EVA1A: variants seen among roughly 807,000 people sequenced by gnomAD.
EVA1A encodes eva-1 homolog A, regulator of programmed cell death.
Under a neutral mutation model 9.8 loss-of-function variants are expected in EVA1A, and 7 were observed. The observed-to-expected ratio is 0.71, with a 90% CI of 0.41 to 1.34. The LOEUF is 1.34. Ranked by LOEUF, EVA1A falls within the 40% of genes most tolerant of loss-of-function variation. The pLI is 0.01. For missense variants in EVA1A, 206 were observed against 205.9 expected (o/e 1.00, Z 0.00); for synonymous variants, 90 against 85.6 (o/e 1.05, Z -0.28).
intron 1 of EVA1A, among the ~76,000 whole-genome samples, chr2:75,559,567 A>T (rs1676840444): frequency 6.6e-6 from 1 of 152,218 alleles, no homozygotes; most frequent in Non-Finnish European, 1.5e-5. Context: ...TAAGATTCAA[A>T]GGTGAAACCT....
chr2:75,564,271 C>T (rs1676984269), upstream of EVA1A, among the ~76,000 whole-genome samples: 1 of 152,182 alleles, frequency 6.6e-6, no homozygotes, highest in South Asian at 2.1e-4. Context: ...TGTGCACAGG[C>T]ACAGCGTACA....
chr2:75,531,357 C>T (rs558434311), intron 1 of EVA1A, among the ~76,000 whole-genome samples: 6 of 152,062 alleles, frequency 3.9e-5, no homozygotes, highest in Non-Finnish European at 5.9e-5. Context: ...CCTTAAAGAA[C>T]GAAAAGCAGA....
chr2:75,530,012 C>T (rs1347955230), intron 1 of EVA1A, among the ~76,000 whole-genome samples: 2 of 151,768 alleles, frequency 1.3e-5, no homozygotes, highest in Admixed American at 1.3e-4. Flanking sequence ...TGAGATTAAC[C>T]AAGAAAAGAA....
rs184143922 is a variant in EVA1A at position 75,527,855 on chromosome 2, C to T, written c.-191-5368G>A. Among the ~76,000 whole-genome samples, 286 of 152,290 alleles carry T rather than the reference C, an allele frequency of 1.9e-3. 1 individual carries two copies. Among genetic ancestry groups the T allele is most frequent in the African/African-American group, 6.4e-3 (265 of 41,564 alleles). ...ACATACCAGGGCAACTGAAAGAATT[C>T]ACAAACCCTTTGAAAGCAGTGGCTT... is the stretch of plus-strand genomic sequence containing the variant. On this transcript the variant is annotated intron_variant, in intron 1 of 3. Coordinates refer to ENST00000393913, the MANE Select transcript of EVA1A (RefSeq NM_001135032.2).
intron 3 of EVA1A, among the ~76,000 whole-genome samples, chr2:75,517,028 GA>G (rs1675033091): frequency 6.6e-6 from 1 of 152,112 alleles, no homozygotes; most frequent in African/African-American, 2.4e-5. Context: ...GGCACAAGCA[GA>G]CTACATGCTG....
chr2:75,527,327 C>T (rs1260605278), intron 1 of EVA1A, among the ~76,000 whole-genome samples: 1 of 152,176 alleles, frequency 6.6e-6, no homozygotes, highest in Non-Finnish European at 1.5e-5. Context: ...TCTGAGATTG[C>T]TAGTAATGAG....
At chr2:75,530,622 C>T (rs993693940) in intron 1 of EVA1A, among the ~76,000 whole-genome samples, 3 of 152,144 alleles carry the variant, frequency 2.0e-5, no homozygotes, top group East Asian at 1.9e-4. Context: ...AAATGTGATA[C>T]ACCACATAAA....
chr2:75,498,898 C>T lies in EVA1A; in HGVS notation c.86-5289G>A, dbSNP rs146816863. On this transcript the variant is annotated intron_variant, in intron 3 of 3. Coordinates refer to ENST00000393913, the MANE Select transcript of EVA1A (RefSeq NM_001135032.2). ...TGCTATGGGATCACATCAAAGGCCTCACCTTTATCTTTAGATTTATATTTT... is the reference window on the plus strand; with the variant it reads ...TGCTATGGGATCACATCAAAGGCCTTACCTTTATCTTTAGATTTATATTTT... Among the ~76,000 whole-genome samples the T allele has an allele frequency of 8.1e-3, 1,230 of 152,072 alleles. 8 individuals carry two copies. Among genetic ancestry groups the T allele is most frequent in the Non-Finnish European group, 0.012 (815 of 68,008 alleles).
intron 1 of EVA1A, among the ~76,000 whole-genome samples, chr2:75,547,786 CAG>C (rs1676383818): frequency 6.6e-6 from 1 of 152,238 alleles, no homozygotes; most frequent in Non-Finnish European, 1.5e-5. Flanking sequence ...TCAGCATTCA[CAG>C]AGTCACCCAC....
At chr2:75,561,611 G>A (rs1676923493), upstream of EVA1A, among the ~76,000 whole-genome samples, 1 of 152,132 alleles carries the variant, frequency 6.6e-6, no homozygotes, top group Admixed American at 6.5e-5. Context: ...AATCGTCATA[G>A]GGGAAGAGTG....
upstream of EVA1A, chr2:75,561,447 C>T (rs1676919908): frequency 6.8e-6 from 1 of 147,818 alleles, no homozygotes; most frequent in Non-Finnish European, 1.5e-5. Flanking sequence ...TCATTTTTAT[C>T]GGAAGAAATG....
At chr2:75,506,001 T>C (rs1572950398) in intron 3 of EVA1A, among the ~76,000 whole-genome samples, 5 of 152,178 alleles carry the variant, frequency 3.3e-5, no homozygotes, top group African/African-American at 1.2e-4. Context: ...ATAATTCATA[T>C]CTTTTCCTCT....
chr2:75,563,850 A>C (rs1338545395), upstream of EVA1A, among the ~76,000 whole-genome samples: 1 of 152,102 alleles, frequency 6.6e-6, no homozygotes, highest in Non-Finnish European at 1.5e-5. Context: ...CTCTTTTTTG[A>C]AGGTACCGTG....
chr2:75,504,113 A>G (rs1035418607), intron 3 of EVA1A, among the ~76,000 whole-genome samples: 1 of 152,070 alleles, frequency 6.6e-6, no homozygotes, highest in African/African-American at 2.4e-5. Flanking sequence ...CTCTTTAGGC[A>G]CTGTAAGAAC....
chr2:75,499,283 T>C (rs1333207735), intron 3 of EVA1A, among the ~76,000 whole-genome samples: 5 of 151,984 alleles, frequency 3.3e-5, no homozygotes, highest in African/African-American at 7.3e-5. Flanking sequence ...TCAAGACTGA[T>C]AGGAGAAAAG....
At position 75,497,850 on chromosome 2, in the gene EVA1A, C is replaced by CAAAA. The variant is rs33933086; in HGVS notation, c.86-4245_86-4242dup. 7.6e-4 allele frequency among the ~76,000 whole-genome samples: 51 copies of CAAAA among 66,668 alleles called. 1 individual carries two copies. The highest frequency in any genetic ancestry group is 1.5e-3 in the African/African-American group (22 of 14,888). 43.7% of individuals were successfully genotyped at this position (66,668 alleles called of 152,430 possible). A position where few individuals can be genotyped will look rare whatever the true frequency, so the allele number is the denominator to read the frequency against. On this transcript the variant is annotated intron_variant, in intron 3 of 3. Transcript: ENST00000393913. ...TGGGTGACAAAGTGAGATCCTGTCT[C>CAAAA]AAAAAAAAAAAAAAAAAAAAAAAGT...
At chr2:75,540,194 C>G (rs1325868565) in intron 1 of EVA1A, among the ~76,000 whole-genome samples, 2 of 152,228 alleles carry the variant, frequency 1.3e-5, no homozygotes, top group African/African-American at 2.4e-5. Context: ...CTAGGTGTGG[C>G]ACACTCACAG....
In EVA1A at chr2:75,493,193, CTT is replaced by C. The variant is rs1299886125; in HGVS notation, c.*41_*42del. The C allele has an allele frequency of 2.6e-6, 4 of 1,567,612 alleles. No individual in the cohort carries two copies. Among genetic ancestry groups the C allele is most frequent in the Non-Finnish European group, 2.6e-6 (3 of 1,156,918 alleles). ...GCCCACTGTCCCTGCAGACGCTCTCCTTTCCAGGCGGCCTCCAGTGGTTTCCG... is the reference window on the plus strand; with the variant it reads ...GCCCACTGTCCCTGCAGACGCTCTCCTCCAGGCGGCCTCCAGTGGTTTCCG... On this transcript the variant is annotated 3_prime_UTR_variant, in exon 4 of 4. Coordinates refer to ENST00000393913, the MANE Select transcript of EVA1A (RefSeq NM_001135032.2).
chr2:75,509,728 C>T (rs1572954184), intron 3 of EVA1A, among the ~76,000 whole-genome samples: 1 of 152,098 alleles, frequency 6.6e-6, no homozygotes, highest in Admixed American at 6.5e-5. Context: ...AAAACTCACA[C>T]CTATTTTACA....
Sources: allele counts gnomAD v4.1 joint callset (sites outside exome capture counted in the v4.1 genomes callset), GRCh38; gene constraint gnomAD v4.1.1; transcripts MANE v1.5; gene names NCBI Gene and HGNC (gene_info 2026-07-23, HGNC 2026-07-21).